Variants in GABRG1 observed in about 807,000 individuals in gnomAD.
GABRG1 encodes gamma-aminobutyric acid type A receptor subunit gamma1.
GABRG1 carries 49 observed loss-of-function variants against 49.8 expected under a neutral mutation model. The observed-to-expected ratio is 0.98, with a 90% CI of 0.78 to 1.25. The LOEUF is 1.25. GABRG1 is among the 50% of genes most tolerant of loss of function. The pLI, the probability that GABRG1 is intolerant of heterozygous loss-of-function variation, is 0.00. For synonymous variants in GABRG1, 232 were observed against 185.1 expected (o/e 1.25, Z -2.06); for missense variants, 552 against 552.3 (o/e 1.00, Z 0.01).
chr4:46,057,472 G>A (rs570212693), intron 7 of GABRG1, among the ~76,000 whole-genome samples: 2 of 152,124 alleles, frequency 1.3e-5, no homozygotes, highest in South Asian at 4.1e-4. Flanking sequence ...TGATTAACAA[G>A]TTTTATTCCT....
At chr4:46,122,450 C>A (rs73146838) in intron 1 of GABRG1, among the ~76,000 whole-genome samples, 1 of 151,650 alleles carries the variant, frequency 6.6e-6, no homozygotes, top group African/African-American at 2.4e-5. Flanking sequence ...TAAGCCATTA[C>A]GACACAATAT....
chr4:46,116,926 C>G (rs945360914), intron 1 of GABRG1, among the ~76,000 whole-genome samples: 11 of 150,500 alleles, frequency 7.3e-5, no homozygotes, highest in Admixed American at 1.3e-4. Context: ...GTATTCTTTA[C>G]TCAACACACT....
At position 46,079,376 on chromosome 4, in the gene GABRG1, A is replaced by G. The variant is rs141511464; in HGVS notation, c.321+4610T>C. On this transcript the variant is annotated intron_variant, in intron 3 of 8. Transcript: ENST00000295452. ...ACTAAGAGGAATCAGAATTTCTAGC[A>G]GGAAGATTCTACCCAGTTTCAATTT... Among the ~76,000 whole-genome samples, 1,255 of 152,038 alleles carry G rather than the reference A, an allele frequency of 8.3e-3. 12 individuals carry two copies. Among genetic ancestry groups the G allele is most frequent in the Middle Eastern group, 0.027 (8 of 294 alleles).
intron 1 of GABRG1, among the ~76,000 whole-genome samples, chr4:46,118,397 G>A (rs1720998565): frequency 1.3e-5 from 2 of 150,142 alleles, no homozygotes; most frequent in African/African-American, 2.4e-5. Context: ...CTTCTTTATT[G>A]CTCCCACTGT....
intron 8 of GABRG1, among the ~76,000 whole-genome samples, chr4:46,043,946 C>A (rs1379058339): frequency 6.6e-6 from 1 of 151,508 alleles, no homozygotes; most frequent in African/African-American, 2.4e-5. Context: ...ATTACTTATA[C>A]CATCTGATAA....
rs781387788 is a variant in GABRG1, at chr4:46,065,417, A to G, written c.489T>C (p.Thr163=). 8 of 1,613,226 alleles carry G rather than the reference A, an allele frequency of 5.0e-6. No individual in the cohort carries two copies. ...SRKSDAHWIT[T]PNRLLRIWND... Reference sequence around the variant, plus strand: ...TCCAAATTCGAAGCAGACGATTAGGAGTTGTTATCCAGTGAGCATCAGATT... The same window carrying G: ...TCCAAATTCGAAGCAGACGATTAGGGGTTGTTATCCAGTGAGCATCAGATT... The change falls in exon 4 of 9, where the codon ACT becomes ACC. Residue 163 remains threonine (T), a synonymous_variant. Coordinates refer to ENST00000295452, the MANE Select transcript of GABRG1 (RefSeq NM_173536.4).
At chr4:46,093,680 GTGTATAT>G (rs1720076321) in intron 2 of GABRG1, among the ~76,000 whole-genome samples, 2 of 151,984 alleles carry the variant, frequency 1.3e-5, no homozygotes, top group South Asian at 4.1e-4. Flanking sequence ...CACATTCTAT[GTGTATAT>G]AAAAATACCT....
intron 3 of GABRG1, among the ~76,000 whole-genome samples, chr4:46,076,769 A>G (rs1305791582): frequency 6.6e-6 from 1 of 151,790 alleles, no homozygotes; most frequent in South Asian, 2.1e-4. Context: ...AACCAATTCA[A>G]GACTGTTTGC....
intron 1 of GABRG1, among the ~76,000 whole-genome samples, chr4:46,108,632 T>G (rs1189240457): frequency 1.3e-5 from 2 of 150,942 alleles, no homozygotes; most frequent in East Asian, 3.9e-4. Flanking sequence ...GGGATTTTTT[T>G]TTTGTTTATG....
chr4:46,106,466 A>T (rs1720549953), intron 1 of GABRG1, among the ~76,000 whole-genome samples: 1 of 151,548 alleles, frequency 6.6e-6, no homozygotes, highest in South Asian at 2.1e-4. Flanking sequence ...AAGAGTTAGA[A>T]AAGCAAAGAC....
At chr4:46,119,818 C>G (rs527259808) in intron 1 of GABRG1, among the ~76,000 whole-genome samples, 1 of 151,464 alleles carries the variant, frequency 6.6e-6, no homozygotes, top group Admixed American at 6.6e-5. Flanking sequence ...TAAGCATAAG[C>G]TGCATTTAAA....
At chr4:46,063,196 A>T (rs1344991043) in intron 5 of GABRG1, among the ~76,000 whole-genome samples, 1 of 152,126 alleles carries the variant, frequency 6.6e-6, no homozygotes, top group Non-Finnish European at 1.5e-5. Flanking sequence ...ACCAAAAAAA[A>T]GCCCGCATTG....
At chr4:46,088,736 A>AAC (rs1415256128) in intron 2 of GABRG1, among the ~76,000 whole-genome samples, 1 of 108,950 alleles carries the variant, frequency 9.2e-6, no homozygotes, top group Non-Finnish European at 1.9e-5. Flanking sequence ...CCCACTATAA[A>AAC]ATACACACAC....
chr4:46,113,086 T>C (rs1409785595), intron 1 of GABRG1, among the ~76,000 whole-genome samples: 1 of 151,188 alleles, frequency 6.6e-6, no homozygotes, highest in East Asian at 2.0e-4. Context: ...ATTTAATCAT[T>C]GAAGCCTGTC....
intron 2 of GABRG1, among the ~76,000 whole-genome samples, chr4:46,090,013 C>G (rs1373667703): frequency 6.6e-6 from 1 of 151,926 alleles, no homozygotes; most frequent in Non-Finnish European, 1.5e-5. Flanking sequence ...GCAATGGAAG[C>G]TTAACTGGAT....
intron 3 of GABRG1, among the ~76,000 whole-genome samples, chr4:46,070,542 G>A (rs1719077655): frequency 6.6e-6 from 1 of 152,010 alleles, no homozygotes; most frequent in Non-Finnish European, 1.5e-5. Context: ...TTTGGAGCAA[G>A]CTATTCTTGT....
chr4:46,087,211 T>G (rs181357183), intron 2 of GABRG1, among the ~76,000 whole-genome samples: 3 of 151,798 alleles, frequency 2.0e-5, no homozygotes, highest in East Asian at 3.9e-4. Context: ...CTTTCTTCTA[T>G]ATGTGGTGAA....
intron 2 of GABRG1, among the ~76,000 whole-genome samples, chr4:46,094,508 A>G (rs1720104776): frequency 6.6e-6 from 1 of 151,978 alleles, no homozygotes; most frequent in Non-Finnish European, 1.5e-5. Flanking sequence ...TTTGGAAACC[A>G]GCACAAGAAC....
chr4:46,060,201 T>A (rs1448317404), intron 5 of GABRG1, among the ~76,000 whole-genome samples: 5 of 152,050 alleles, frequency 3.3e-5, no homozygotes, highest in African/African-American at 9.7e-5. Flanking sequence ...AGAAGAATCA[T>A]CTCACCCTGT....
Sources: gnomAD v4.1 joint callset for allele counts (sites outside exome capture counted in the v4.1 genomes callset) on GRCh38, gnomAD v4.1.1 for gene constraint, MANE v1.5 for transcripts, NCBI Gene and HGNC (gene_info 2026-07-23, HGNC 2026-07-21) for gene names.